MMP26: variants seen among roughly 807,000 people sequenced by gnomAD.
The protein encoded by MMP26 is matrix metallopeptidase 26.
MMP26 carries 33 observed loss-of-function variants against 31.0 expected under a neutral mutation model. That is an observed-to-expected ratio of 1.06 (90% CI 0.81 to 1.42). The LOEUF (loss-of-function observed/expected upper bound fraction) is 1.42. Ranked by LOEUF, MMP26 falls within the 40% of genes most tolerant of loss-of-function variation. The pLI is 0.00. For synonymous variants in MMP26, 122 were observed against 114.9 expected, an observed-to-expected ratio of 1.06 and a Z score of -0.40; for missense variants, 347 against 316.1, an observed-to-expected ratio of 1.10 and a Z score of -0.74.
At chr11:4,979,709 G>T (rs1211327377) in intron 2 of MMP26, among the ~76,000 whole-genome samples, 3 of 152,058 alleles carry the variant, frequency 2.0e-5, no homozygotes, top group Admixed American at 6.6e-5. Context: ...GCAGACTCCA[G>T]CTATACCTTG....
intron 2 of MMP26, among the ~76,000 whole-genome samples, chr11:4,858,125 A>C (rs1850084592): frequency 6.6e-6 from 1 of 152,180 alleles, no homozygotes; most frequent in Non-Finnish European, 1.5e-5. Flanking sequence ...TATCATACTG[A>C]ATGGGCAAAA....
rs188603331 is a variant in MMP26, at chr11:4,755,861, A to C, written c.-216-11409A>C. On this transcript the variant is annotated intron_variant, in intron 1 of 7. Coordinates refer to ENST00000380390, the MANE Select transcript of MMP26 (RefSeq NM_021801.5). Reference sequence around the variant, plus strand: ...TTTTGCACTAGAGAGTATATAAAGAAAAAAATACTAGCATAAATCTTTAAA... The same window carrying C: ...TTTTGCACTAGAGAGTATATAAAGACAAAAATACTAGCATAAATCTTTAAA... Among the ~76,000 whole-genome samples the C allele has an allele frequency of 2.0e-4, 30 of 152,190 alleles. 1 individual carries two copies. The East Asian group carries it at 5.8e-3, about 29-fold the overall frequency.
chr11:4,885,721 A>G (rs1850537986), intron 2 of MMP26, among the ~76,000 whole-genome samples: 1 of 152,136 alleles, frequency 6.6e-6, no homozygotes, highest in African/African-American at 2.4e-5. Flanking sequence ...ATATGTATAC[A>G]TTTATAAATT....
intron 2 of MMP26, chr11:4,803,327 T>C: frequency 2.5e-6 from 2 of 811,904 alleles, no homozygotes; most frequent in East Asian, 2.6e-5. Context: ...GAGCCAGTTA[T>C]TTACAGAGCT....
At chr11:4,882,774 T>C (rs1247172717) in intron 2 of MMP26, 1 of 1,613,938 alleles carries the variant, frequency 6.2e-7, no homozygotes, top group Admixed American at 1.7e-5. Flanking sequence ...CTGAACCCTA[T>C]CATTTACAGC....
intron 2 of MMP26, among the ~76,000 whole-genome samples, chr11:4,779,352 C>T (rs940337767): frequency 4.6e-5 from 7 of 151,952 alleles, no homozygotes; most frequent in Admixed American, 1.3e-4. Flanking sequence ...TGGTAAGATA[C>T]GTTGCACGAT....
At chr11:4,989,142 C>T (rs188332423) in intron 3 of MMP26, among the ~76,000 whole-genome samples, 1 of 152,100 alleles carries the variant, frequency 6.6e-6, no homozygotes, top group Admixed American at 6.5e-5. Flanking sequence ...ATACACTAGA[C>T]TGGCAGAAAA....
At chr11:4,811,681 ACTTTTCTC>A (rs930116817) in intron 2 of MMP26, among the ~76,000 whole-genome samples, 20 of 151,918 alleles carry the variant, frequency 1.3e-4, no homozygotes, top group African/African-American at 4.8e-4. Context: ...TTTTAGGGGC[ACTTTTCTC>A]TTTCAACAGA....
intron 2 of MMP26, among the ~76,000 whole-genome samples, chr11:4,799,473 C>G (rs910003890): frequency 6.6e-6 from 1 of 152,100 alleles, no homozygotes; most frequent in African/African-American, 2.4e-5. Flanking sequence ...CATGAGAGAT[C>G]GACCCTCATG....
intron 2 of MMP26, among the ~76,000 whole-genome samples, chr11:4,883,317 A>ATG (rs2133540925): frequency 6.6e-6 from 1 of 152,216 alleles, no homozygotes; most frequent in East Asian, 1.9e-4. Flanking sequence ...AAAGTTACAT[A>ATG]TGTGCACAAA....
intron 2 of MMP26, among the ~76,000 whole-genome samples, chr11:4,779,270 T>C (rs989299862): frequency 4.5e-4 from 68 of 152,176 alleles, no homozygotes; most frequent in Non-Finnish European, 6.6e-4. Context: ...TAAGTTACCA[T>C]GAATATCAAT....
At chr11:4,797,343 C>T (rs955246614) in intron 2 of MMP26, among the ~76,000 whole-genome samples, 2 of 152,210 alleles carry the variant, frequency 1.3e-5, no homozygotes, top group Non-Finnish European at 2.9e-5. Flanking sequence ...ACTCGAGCCA[C>T]ATCCCAGTTG....
At chr11:4,723,594 C>G in intron 1 of MMP26, 1 of 990,300 alleles carries the variant, frequency 1.0e-6, no homozygotes, top group Non-Finnish European at 1.6e-6. Flanking sequence ...CCACATCCTT[C>G]TTGATGAGGA....
chr11:4,890,228 G>A (rs1850599492), intron 2 of MMP26: 1 of 153,024 alleles, frequency 6.5e-6, no homozygotes, highest in African/African-American at 2.4e-5. Context: ...GCCAAAACCG[G>A]TCAAAAGACA....
At chr11:4,882,853 T>C (rs1348374331) in intron 2 of MMP26, 2 of 1,613,576 alleles carry the variant, frequency 1.2e-6, no homozygotes, top group South Asian at 1.1e-5. Flanking sequence ...GGGGTTTTAA[T>C]GTGAGGGGTC....
intron 1 of MMP26, among the ~76,000 whole-genome samples, chr11:4,760,436 G>A (rs531366163): frequency 6.6e-6 from 1 of 152,336 alleles, no homozygotes; most frequent in Non-Finnish European, 1.5e-5. Context: ...CTGAGGCACT[G>A]AGATAACCAG....
At chr11:4,927,880 C>A (rs558532100) in intron 2 of MMP26, among the ~76,000 whole-genome samples, 68 of 152,122 alleles carry the variant, frequency 4.5e-4, no homozygotes, top group African/African-American at 1.6e-3. Flanking sequence ...ATTAAAAAAT[C>A]AGGTGTTAAG....
chr11:4,768,420 C>T (rs1848659478), intron 2 of MMP26, among the ~76,000 whole-genome samples: 1 of 152,168 alleles, frequency 6.6e-6, no homozygotes, highest in South Asian at 2.1e-4. Context: ...CTTTTTAAGA[C>T]AAAGGATGGA....
intron 3 of MMP26, 22 bp downstream of exon 3, chr11:4,988,332 A>C: frequency 6.4e-7 from 1 of 1,573,672 alleles, no homozygotes; most frequent in Non-Finnish European, 8.7e-7. Flanking sequence ...ACTCAGGACC[A>C]CATTATTACA....
Sources: allele counts gnomAD v4.1 joint callset (sites outside exome capture counted in the v4.1 genomes callset), GRCh38; gene constraint gnomAD v4.1.1; transcripts MANE v1.5; gene names NCBI Gene and HGNC (gene_info 2026-07-23, HGNC 2026-07-21).